OSBPL7: variants seen among roughly 807,000 people sequenced by gnomAD.
OSBPL7 encodes the protein oxysterol binding protein like 7.
In OSBPL7, 66 loss-of-function variants were observed where a neutral mutation model predicts 115.8. That is an observed-to-expected ratio of 0.57 (90% CI 0.47 to 0.70). The LOEUF (loss-of-function observed/expected upper bound fraction) is 0.70. Among genes scored for constraint, OSBPL7 ranks in the 30% least tolerant of loss-of-function variants. The probability of loss-of-function intolerance (pLI) is 0.00; values close to 1 mark genes in which losing one functional copy is unlikely to be tolerated. For missense variants in OSBPL7, 902 were observed against 1,125.5 expected (o/e 0.80, Z 2.84); for synonymous variants, 441 against 439.2 (o/e 1.00, Z -0.05).
chr17:47,820,105 C>G lies in OSBPL7; in HGVS notation c.76-9G>C. On this transcript the variant is annotated splice_polypyrimidine_tract_variant and intron_variant, in intron 2 of 22. Transcript: ENST00000007414. ...TCCCACAGCTCAGAGGCCTGCAGTC[C>G]AGGACAGAGGGAGGGGAGCACTGGT... is the stretch of plus-strand genomic sequence containing the variant. 2 of 1,612,932 alleles carry G rather than the reference C, an allele frequency of 1.2e-6. No homozygotes were observed. The highest frequency in any genetic ancestry group is 1.7e-6 in the Non-Finnish European group (2 of 1,179,892).
At chr17:47,810,982 T>G (rs747196579) in intron 16 of OSBPL7, 147 bp from the exon 17 acceptor site, 2 of 695,316 alleles carry the variant, frequency 2.9e-6, no homozygotes, top group Non-Finnish European at 4.9e-6. Flanking sequence ...GGCCACCTCC[T>G]AAACCCATCA....
intron 13 of OSBPL7, 55 bp downstream of exon 13, chr17:47,815,160 C>T (rs2033171703): frequency 6.3e-7 from 1 of 1,577,186 alleles, no homozygotes; most frequent in African/African-American, 1.3e-5. Flanking sequence ...CCCCACCCTT[C>T]TGTTCCCAAG....
At chr17:47,813,895 C>T in intron 14 of OSBPL7, 61 bp from the exon 15 acceptor site, 2 of 1,532,418 alleles carry the variant, frequency 1.3e-6, no homozygotes, top group South Asian at 1.2e-5. Flanking sequence ...ACATGGCAAG[C>T]CCACAGCCCA....
At position 47,809,497 on chromosome 17, in the gene OSBPL7, G is replaced by A. The variant is rs199959248; in HGVS notation, c.1881-19C>T. The A allele has an allele frequency of 1.2e-5, 20 of 1,603,846 alleles. No homozygotes were observed. Among genetic ancestry groups the A allele is most frequent in the African/African-American group, 1.1e-4 (8 of 74,892 alleles). ...CCCAAACCTGAGAAAGACAAGGTAT[G>A]GAAGGGCAGCTGGCTGGCCCCAGGG... On this transcript the variant is annotated intron_variant, in intron 18 of 22. Coordinates refer to ENST00000007414, the MANE Select transcript of OSBPL7 (RefSeq NM_145798.3).
chr17:47,818,481 G>T (rs1171087301), intron 6 of OSBPL7, 25 bp downstream of exon 6: 16 of 1,587,142 alleles, frequency 1.0e-5, no homozygotes, highest in Admixed American at 1.7e-5. Context: ...CACATTACCT[G>T]CCCCCACCCC....
intron 5 of OSBPL7, 49 bp from the exon 6 acceptor site, chr17:47,818,665 T>A: frequency 6.7e-7 from 1 of 1,496,966 alleles, no homozygotes; most frequent in Non-Finnish European, 9.2e-7. Context: ...GAGGGACCAC[T>A]TTCCAAGAGC....
Position 47,816,591 on chromosome 17 carries a change from C to T in OSBPL7, c.900G>A (p.Gln300=), listed in dbSNP as rs141812590. Residue 300 remains glutamine (Q), a synonymous_variant, in exon 10 of 23, where the codon CAG becomes CAA. Coordinates refer to ENST00000007414, the MANE Select transcript of OSBPL7 (RefSeq NM_145798.3). The surrounding 1 kb of genome is among the most constrained non-coding windows in gnomAD (Gnocchi z 5.8). ...TCTGGGCCAGGGCCCAGAAGCTGCG[C>T]TGCAGGTGGGCATAGTCTGTGGGTG... ...GLPPTDYAHL[Q]RSFWALAQKV... 652 of 1,613,446 alleles carry T rather than the reference C, an allele frequency of 4.0e-4. No individual in the cohort carries two copies. Among genetic ancestry groups the T allele is most frequent in the Non-Finnish European group, 5.3e-4 (621 of 1,179,768 alleles).
At position 47,808,192 on chromosome 17, in the gene OSBPL7, G is replaced by A; in HGVS notation, c.*99C>T. 1 of 907,480 alleles carries A rather than the reference G, an allele frequency of 1.1e-6. No homozygotes were observed. Among genetic ancestry groups the A allele is most frequent in the Non-Finnish European group, 1.7e-6 (1 of 583,940 alleles). The allele number at this position is 907,480 out of a possible 1,614,324, so 56.2% of individuals were successfully genotyped here. A position where few individuals can be genotyped will look rare whatever the true frequency, so the allele number is the denominator to read the frequency against. ...CCAGGGCTGCCCCTTTGGTCTCAAG[G>A]GCAGTGAGGCGGGGAGCCCGGCCTC... On this transcript the variant is annotated 3_prime_UTR_variant, in exon 23 of 23. Transcript: ENST00000007414. This position sits in a 1 kb window ranked among gnomAD's most constrained non-coding sequence, Gnocchi z 6.1.
chr17:47,814,485 C>CCA, intron 14 of OSBPL7, 36 bp downstream of exon 14: 4 of 1,089,520 alleles, frequency 3.7e-6, no homozygotes, highest in Non-Finnish European at 5.6e-6. Flanking sequence ...TTCCACCCGC[C>CCA]TCCCACCCCT....
At position 47,815,313 on chromosome 17, in the gene OSBPL7, G is replaced by A; in HGVS notation, c.1159C>T (p.Gln387Ter). 1.2e-6 allele frequency: 2 copies of A among 1,613,566 alleles called. No individual in the cohort carries two copies. Among genetic ancestry groups the A allele is most frequent in the Non-Finnish European group, 1.7e-6 (2 of 1,179,810 alleles). Residue 387 changes from glutamine to a stop codon, truncating the protein, a stop_gained, in exon 13 of 23, where the codon CAG becomes TAG. Transcript: ENST00000007414. LOFTEE classifies it high-confidence loss of function. Reference protein sequence around the residue: ...LYMKGRELTPQLSQTSILSLA... With the variant: ...LYMKGRELTP ...GACAGGATGCTGGTCTGCGATAGCT[G>A]GGGGGTGAGCTCGCGCCCCTTCATG...
At chr17:47,814,481 C>CCCCCA in intron 14 of OSBPL7, 40 bp downstream of exon 14, 1 of 1,023,920 alleles carries the variant, frequency 9.8e-7, no homozygotes. Flanking sequence ...GTTTTTCCAC[C>CCCCCA]CGCCTCCCAC....
At chr17:47,819,531 C>G in intron 4 of OSBPL7, 198 bp downstream of exon 4, 1 of 655,836 alleles carries the variant, frequency 1.5e-6, no homozygotes. Flanking sequence ...GACAGCTCTG[C>G]ACCTGGGGGA....
chr17:47,814,291 C>T (rs929172853), intron 14 of OSBPL7, among the ~76,000 whole-genome samples: 2 of 152,242 alleles, frequency 1.3e-5, no homozygotes, highest in African/African-American at 4.8e-5. Context: ...GGCAAGCCTG[C>T]TGCAACAGAG....
chr17:47,820,140 G>T, intron 2 of OSBPL7, 44 bp from the exon 3 acceptor site: 1 of 1,613,328 alleles, frequency 6.2e-7, no homozygotes, highest in South Asian at 1.1e-5. Context: ...TGAGACGTCC[G>T]CCTTGGCCCC....
chr17:47,816,294 C>T lies in OSBPL7; in HGVS notation c.1024-92G>A, dbSNP rs925415034. 9.4e-6 allele frequency: 14 copies of T among 1,490,882 alleles called. No homozygotes were observed. Among genetic ancestry groups the T allele is most frequent in the African/African-American group, 2.8e-5 (2 of 71,600 alleles). 92.4% of individuals were successfully genotyped at this position (1,490,882 alleles called of 1,614,324 possible). ...GCAGAGACTGCCTCTGCCAACCCCCCACCCTGACCCAGATCTGCTATCGGA... is the reference window on the plus strand; with the variant it reads ...GCAGAGACTGCCTCTGCCAACCCCCTACCCTGACCCAGATCTGCTATCGGA... On this transcript the variant is annotated intron_variant, in intron 11 of 22. Transcript: ENST00000007414. The surrounding 1 kb of genome is among the most constrained non-coding windows in gnomAD (Gnocchi z 5.8).
chr17:47,819,061 C>G lies in OSBPL7; in HGVS notation c.294G>C (p.Arg98=). 6.2e-7 allele frequency: 1 copy of G among 1,614,046 alleles called. No homozygotes were observed. Among genetic ancestry groups the G allele is most frequent in the Non-Finnish European group, 8.5e-7 (1 of 1,179,982 alleles). Residue 98 remains arginine, a synonymous_variant, in exon 5 of 23, where the codon CGG becomes CGC. Transcript: ENST00000007414. ...KGKLHGSIDV[R]LSVMSINKKA... ...TTTTGTTGATGGACATGACCGACAGCCGGACATCGATGGAGCCATGGAGCT... is the reference window on the plus strand; with the variant it reads ...TTTTGTTGATGGACATGACCGACAGGCGGACATCGATGGAGCCATGGAGCT...
In OSBPL7 at chr17:47,815,247, C is replaced by T. The variant is rs142011621; in HGVS notation, c.1225G>A (p.Val409Ile). 2 of 1,613,834 alleles carry T rather than the reference C, an allele frequency of 1.2e-6. No homozygotes were observed. The highest frequency in any genetic ancestry group is 2.2e-5 in the East Asian group (1 of 44,880). The change falls in exon 13 of 23, where the codon GTT (valine) becomes ATT (isoleucine). Residue 409 changes from valine (V) to isoleucine (I), a missense_variant. This residue lies in a region of OSBPL7 where 667 missense variants were observed against 788.7 expected (regional missense o/e 0.85). Coordinates refer to ENST00000007414, the MANE Select transcript of OSBPL7 (RefSeq NM_145798.3). The stretch of plus-strand genomic sequence containing the variant: ...TCAGAAGAGCTGGCGGAGAGGAGAA[C>T]CTCGCAGGCATCGAAGAACTCCGTG... ...SHTEFFDACE[V>I]LLSASSSENE...
At position 47,819,768 on chromosome 17, in the gene OSBPL7, G is replaced by C; in HGVS notation, c.216C>G (p.Leu72=). Residue 72 remains leucine, a synonymous_variant, in exon 4 of 23, where the codon CTC becomes CTG. Coordinates refer to ENST00000007414, the MANE Select transcript of OSBPL7 (RefSeq NM_145798.3). ...LKGWHKRYFV[L]EDGILHYATT... is the part of the protein sequence containing the mutation. ...TTGCATAATGAAGGATCCCGTCCTCGAGCACAAAGTATCTCTGTGATGTTG... is the reference window on the plus strand; with the variant it reads ...TTGCATAATGAAGGATCCCGTCCTCCAGCACAAAGTATCTCTGTGATGTTG... 3 of 1,614,110 alleles carry C rather than the reference G, an allele frequency of 1.9e-6. No homozygotes were observed. Among genetic ancestry groups the C allele is most frequent in the Middle Eastern group, 1.6e-4 (1 of 6,062 alleles).
At chr17:47,810,520 C>T (rs2033005273) in intron 18 of OSBPL7, 74 bp downstream of exon 18, 3 of 1,382,574 alleles carry the variant, frequency 2.2e-6, no homozygotes, top group Non-Finnish European at 3.1e-6. Flanking sequence ...TATCCTGTCC[C>T]TAAGGCCACG....
Sources: gnomAD v4.1 joint callset for allele counts (sites outside exome capture counted in the v4.1 genomes callset) on GRCh38, gnomAD v4.1.1 for gene constraint, gnomAD v4.1.1 regional missense constraint, Gnocchi (gnomAD v3.1) non-coding constraint, MANE v1.5 for transcripts, NCBI Gene and HGNC (gene_info 2026-07-23, HGNC 2026-07-21) for gene names.